Variants in ABL1 observed in about 807,000 individuals in gnomAD.
The protein encoded by ABL1 is tyrosine-protein kinase ABL1.
ABL1 carries 11 observed loss-of-function variants against 94.7 expected under a neutral mutation model. That is an observed-to-expected ratio of 0.12 (90% CI 0.07 to 0.19). The LOEUF is 0.19. Among genes scored for constraint, ABL1 ranks in the 10% least tolerant of loss-of-function variants. The pLI is 1.00. For missense variants in ABL1, 1,082 were observed against 1,489.4 expected, an observed-to-expected ratio of 0.73 and a Z score of 4.50; for synonymous variants, 656 against 622.4, an observed-to-expected ratio of 1.05 and a Z score of -0.80.
At chr9:130,768,522 C>A (rs1340973354) in intron 1 of ABL1, among the ~76,000 whole-genome samples, 3 of 152,186 alleles carry the variant, frequency 2.0e-5, no homozygotes, top group African/African-American at 4.8e-5. Flanking sequence ...AAAGGCCTCC[C>A]CAGAGCCCTT....
At chr9:130,725,216 A>T (rs1445204851) in intron 1 of ABL1, among the ~76,000 whole-genome samples, 1 of 152,152 alleles carries the variant, frequency 6.6e-6, no homozygotes, top group African/African-American at 2.4e-5. Flanking sequence ...GAAACTCTGT[A>T]CCCATTAAAA....
chr9:130,767,077 C>G (rs1026039113), intron 1 of ABL1, among the ~76,000 whole-genome samples: 1 of 152,128 alleles, frequency 6.6e-6, no homozygotes, highest in African/African-American at 2.4e-5. Context: ...CTTCTGGTGC[C>G]TGGCTCTTTC....
At chr9:130,751,755 G>A (rs1831970341) in intron 1 of ABL1, among the ~76,000 whole-genome samples, 2 of 152,266 alleles carry the variant, frequency 1.3e-5, no homozygotes, top group East Asian at 1.9e-4. Context: ...AGGACTGCTC[G>A]TCCTGCCTCA....
In ABL1 at chr9:130,732,036, G is replaced by A. The variant is rs35837400; in HGVS notation, c.136+17581G>A. Among the ~76,000 whole-genome samples, 139 of 142,526 alleles carry A rather than the reference G, an allele frequency of 9.8e-4. 1 individual carries two copies. The highest frequency in any genetic ancestry group is 3.1e-3 in the African/African-American group (118 of 38,186). The allele number at this position is 142,526 out of a possible 152,430, so 93.5% of individuals were successfully genotyped here. Reference sequence around the variant, plus strand: ...CTCTATTCTTTTTTTTTTTCCAATTGTATTTTTCTTTGACACTCAGTACTT... The same window carrying A: ...CTCTATTCTTTTTTTTTTTCCAATTATATTTTTCTTTGACACTCAGTACTT... On this transcript the variant is annotated intron_variant, in intron 1 of 10. Transcript: ENST00000372348.
At chr9:130,774,659 T>TA (rs1564286705) in intron 1 of ABL1, among the ~76,000 whole-genome samples, 2 of 151,734 alleles carry the variant, frequency 1.3e-5, no homozygotes, top group African/African-American at 4.8e-5. Flanking sequence ...CCTCATCTGT[T>TA]AAAAAAACAA....
chr9:130,720,371 G>A (rs909653814), intron 1 of ABL1, among the ~76,000 whole-genome samples: 1 of 152,178 alleles, frequency 6.6e-6, no homozygotes, highest in Non-Finnish European at 1.5e-5. Context: ...AAGACCCGAA[G>A]GAGGAAGATG....
intron 1 of ABL1, among the ~76,000 whole-genome samples, chr9:130,768,987 G>A (rs891639545): frequency 6.6e-6 from 1 of 152,276 alleles, no homozygotes; most frequent in African/African-American, 2.4e-5. Context: ...TAAATATGTT[G>A]AGAAAGGTCT....
chr9:130,862,790 A>C lies in ABL1; in HGVS notation c.577A>C (p.Asn193His), dbSNP rs779117534. 1 of 1,614,028 alleles carries C rather than the reference A, an allele frequency of 6.2e-7. No individual in the cohort carries two copies. Among genetic ancestry groups the C allele is most frequent in the East Asian group, 2.2e-5 (1 of 44,876 alleles). The change falls in exon 4 of 11, where the codon AAC (asparagine) becomes CAC (histidine). Residue 193 changes from asparagine to histidine, a missense_variant. Asn to His is a moderately conservative substitution (Grantham distance 68). Around this residue, in one of 7 missense-constraint regions of ABL1, gnomAD observed 22 missense variants for 23.0 expected, o/e 0.96. Coordinates refer to ENST00000318560, the MANE Select transcript of ABL1 (RefSeq NM_005157.6). This position sits in a 1 kb window ranked among gnomAD's most constrained non-coding sequence, Gnocchi z 5.5. ...KLYVSSESRFNTLAELVHHHS... is the reference protein window; with the variant it reads ...KLYVSSESRFHTLAELVHHHS... The stretch of plus-strand genomic sequence containing the variant: ...CTACGTCTCCTCCGAGAGCCGCTTC[A>C]ACACCCTGGCCGAGTTGGTTCATCA...
intron 1 of ABL1, among the ~76,000 whole-genome samples, chr9:130,779,359 A>G (rs1013319358): frequency 6.6e-6 from 1 of 152,258 alleles, no homozygotes; most frequent in Admixed American, 6.5e-5. Flanking sequence ...GTCATCGTTC[A>G]TGATGGCAAG....
chr9:130,741,312 A>G (rs560512503), intron 1 of ABL1, among the ~76,000 whole-genome samples: 157 of 152,272 alleles, frequency 1.0e-3, no homozygotes, highest in African/African-American at 3.6e-3. Flanking sequence ...AGTAACAGTT[A>G]CGGCACTGAT....
Position 130,884,597 on chromosome 9 carries a change from G to C in ABL1, c.2307G>C (p.Glu769Asp). The C allele has an allele frequency of 3.7e-6, 6 of 1,613,410 alleles. No individual in the cohort carries two copies. Among genetic ancestry groups the C allele is most frequent in the Non-Finnish European group, 5.1e-6 (6 of 1,180,026 alleles). The change falls in exon 11 of 11, where the codon GAG becomes GAC. Residue 769 changes from glutamate (E) to aspartate (D), a missense_variant. Glu to Asp is a conservative substitution (Grantham distance 45). This residue lies in a region of ABL1 where 780 missense variants were observed against 835.8 expected (regional missense o/e 0.93). Transcript: ENST00000318560. The surrounding 1 kb of genome is among the most constrained non-coding windows in gnomAD (Gnocchi z 5.6). Reference protein sequence around the residue: ...KPALPRKRAGENRSDQVTRGT... With the variant: ...KPALPRKRAGDNRSDQVTRGT... ...CTCTGCCTCGGAAGAGGGCAGGGGA[G>C]AACAGGTCTGACCAGGTGACCCGAG...
At chr9:130,735,165 G>T (rs1009900594) in intron 1 of ABL1, among the ~76,000 whole-genome samples, 16 of 151,934 alleles carry the variant, frequency 1.1e-4, no homozygotes, top group African/African-American at 3.9e-4. Flanking sequence ...GAGTAACTGG[G>T]ATTACAGGCA....
chr9:130,834,981 AAGTGG>A, upstream of ABL1: 1 of 452,068 alleles, frequency 2.2e-6, no homozygotes, highest in South Asian at 1.6e-5. Flanking sequence ...GCGGCTTCTA[AAGTGG>A]AGTGGAGCAG....
At chr9:130,735,954 TATA>T (rs1366798027) in intron 1 of ABL1, among the ~76,000 whole-genome samples, 1,519 of 93,192 alleles carry the variant, frequency 0.016, 24 homozygotes, top group Admixed American at 0.021. Flanking sequence ...TATATATATA[TATA>T]TATATTTTTT....
At chr9:130,746,211 G>A (rs553712926) in intron 1 of ABL1, among the ~76,000 whole-genome samples, 2 of 109,036 alleles carry the variant, frequency 1.8e-5, no homozygotes, top group East Asian at 6.5e-4. Flanking sequence ...AAAGTTTCAA[G>A]AATTTAATGC....
chr9:130,742,397 T>A (rs1473775141), intron 1 of ABL1, among the ~76,000 whole-genome samples: 2 of 152,318 alleles, frequency 1.3e-5, no homozygotes, highest in African/African-American at 2.4e-5. Flanking sequence ...CAAAAGCACT[T>A]CCACCTCTCC....
In ABL1 at chr9:130,836,898, A is replaced by C. The variant is rs1830598420; in HGVS notation, c.79+1373A>C. On this transcript the variant is annotated intron_variant, in intron 1 of 10. Coordinates refer to ENST00000318560, the MANE Select transcript of ABL1 (RefSeq NM_005157.6). ...TTAGATCAAGTAGGATTTCTGCTAG[A>C]ATGCCATGTTTTTCTTTTTAAAAAA... Among the ~76,000 whole-genome samples the C allele has an allele frequency of 1.3e-5, 2 of 151,966 alleles. 1 individual carries two copies. The highest frequency in any genetic ancestry group is 2.9e-5 in the Non-Finnish European group (2 of 67,998).
intron 1 of ABL1, among the ~76,000 whole-genome samples, chr9:130,836,400 T>C (rs914538857): frequency 5.9e-5 from 9 of 152,216 alleles, no homozygotes; most frequent in Non-Finnish European, 1.2e-4. Flanking sequence ...TCGTAGCTTC[T>C]AGGTGGGTAT....
intron 1 of ABL1, among the ~76,000 whole-genome samples, chr9:130,819,943 A>G (rs146656611): frequency 3.4e-4 from 51 of 150,568 alleles, no homozygotes; most frequent in Non-Finnish European, 6.2e-4. Flanking sequence ...GGACATTTAT[A>G]CCAGGTGTTT....
Sources: allele counts gnomAD v4.1 joint callset (sites outside exome capture counted in the v4.1 genomes callset), GRCh38; gene constraint gnomAD v4.1.1; regional missense constraint gnomAD v4.1.1; non-coding constraint Gnocchi (gnomAD v3.1); transcripts MANE v1.5; gene names NCBI Gene and HGNC (gene_info 2026-07-23, HGNC 2026-07-21).